ITGA8: variants seen among roughly 807,000 people sequenced by gnomAD.
ITGA8 encodes integrin subunit alpha 8.
In ITGA8, 91 loss-of-function variants were observed where a neutral mutation model predicts 142.3. That is an observed-to-expected ratio of 0.64 (90% CI 0.54 to 0.76). The LOEUF is 0.76. Ranked by LOEUF, ITGA8 falls within the 30% of genes least tolerant of loss-of-function variation. The pLI is 0.00. For synonymous variants in ITGA8, 505 were observed against 485.2 expected (o/e 1.04, Z -0.54); for missense variants, 1,406 against 1,327.7 (o/e 1.06, Z -0.92).
At chr10:15,539,900 G>A (rs1432139998) in intron 27 of ITGA8, among the ~76,000 whole-genome samples, 2 of 152,116 alleles carry the variant, frequency 1.3e-5, no homozygotes, top group African/African-American at 4.8e-5. Flanking sequence ...TTGAATCACA[G>A]GGTGATTTCT....
chr10:15,684,182 C>T, intron 3 of ITGA8, 55 bp from the exon 4 acceptor site: 2 of 1,562,910 alleles, frequency 1.3e-6, no homozygotes, highest in Non-Finnish European at 1.7e-6. Flanking sequence ...TCTCATACTA[C>T]AGTTTTATTT....
intron 26 of ITGA8, among the ~76,000 whole-genome samples, chr10:15,555,047 G>A (rs7904359): frequency 0.31 from 47,794 of 151,988 alleles, 7,706 homozygotes; most frequent in Non-Finnish European, 0.33. Flanking sequence ...TAGCTACCGT[G>A]AATTATTTCA....
intron 23 of ITGA8, among the ~76,000 whole-genome samples, chr10:15,582,999 T>C (rs11259745): frequency 0.48 from 73,386 of 152,076 alleles, 17,756 homozygotes; most frequent in East Asian, 0.57. Flanking sequence ...CTGGAGACAA[T>C]TCAAATGTTC....
chr10:15,606,567 G>T, intron 17 of ITGA8, 145 bp from the exon 18 acceptor site: 1 of 708,682 alleles, frequency 1.4e-6, no homozygotes, highest in African/African-American at 1.8e-5. Flanking sequence ...GATGGAGGCT[G>T]ATTTATGTGG....
intron 23 of ITGA8, among the ~76,000 whole-genome samples, chr10:15,576,595 A>G (rs1020274115): frequency 2.6e-5 from 4 of 152,190 alleles, no homozygotes; most frequent in African/African-American, 9.7e-5. Flanking sequence ...AATAATTAAC[A>G]TGGCCTCTGG....
chr10:15,650,137 G>A (rs916334163), intron 11 of ITGA8, among the ~76,000 whole-genome samples: 1 of 152,092 alleles, frequency 6.6e-6, no homozygotes, highest in African/African-American at 2.4e-5. Context: ...AGACATGGAG[G>A]AACCTCAAAT....
chr10:15,562,541 G>A (rs753792883), intron 25 of ITGA8, among the ~76,000 whole-genome samples: 1 of 152,344 alleles, frequency 6.6e-6, no homozygotes, highest in Non-Finnish European at 1.5e-5. Flanking sequence ...AGTCCTGAGA[G>A]TGGGATGGGG....
At chr10:15,618,243 A>G (rs895186260) in intron 13 of ITGA8, among the ~76,000 whole-genome samples, 5 of 152,190 alleles carry the variant, frequency 3.3e-5, no homozygotes, top group Non-Finnish European at 5.9e-5. Context: ...AAAAAAAGAA[A>G]AAGAAAACTG....
At chr10:15,647,168 AT>A in intron 11 of ITGA8, 117 bp from the exon 12 acceptor site, 2 of 736,544 alleles carry the variant, frequency 2.7e-6, no homozygotes, top group Non-Finnish European at 4.6e-6. Flanking sequence ...TCTGAGGGTT[AT>A]TTTACAATCA....
intron 20 of ITGA8, among the ~76,000 whole-genome samples, chr10:15,603,740 C>A (rs1833144337): frequency 6.6e-6 from 1 of 152,166 alleles, no homozygotes; most frequent in Non-Finnish European, 1.5e-5. Flanking sequence ...GGGAAAGGAC[C>A]TTGTTTCCCT....
chr10:15,694,102 C>A (rs979919131), intron 2 of ITGA8, among the ~76,000 whole-genome samples: 1 of 143,448 alleles, frequency 7.0e-6, no homozygotes, highest in Admixed American at 7.1e-5. Flanking sequence ...TATAATATAC[C>A]TATATATTAT....
chr10:15,535,111 C>A (rs1283923443), intron 27 of ITGA8, among the ~76,000 whole-genome samples: 1 of 152,126 alleles, frequency 6.6e-6, no homozygotes, highest in Admixed American at 6.5e-5. Context: ...CTGGGTCCCC[C>A]AGCAGTGCCG....
chr10:15,598,412 A>G (rs927939964), intron 20 of ITGA8, among the ~76,000 whole-genome samples: 2 of 152,170 alleles, frequency 1.3e-5, no homozygotes, highest in African/African-American at 4.8e-5. Context: ...AATTTCAGAA[A>G]TGATCTTCCA....
intron 13 of ITGA8, 58 bp downstream of exon 13, chr10:15,643,972 A>G: frequency 6.7e-7 from 1 of 1,499,154 alleles, no homozygotes; most frequent in Admixed American, 2.0e-5. Flanking sequence ...CATTTTTCAG[A>G]AAATGGACTC....
At chr10:15,586,974 G>A (rs1337639221) in intron 22 of ITGA8, among the ~76,000 whole-genome samples, 1 of 151,352 alleles carries the variant, frequency 6.6e-6, no homozygotes, top group East Asian at 1.9e-4. Context: ...CGAGGCTGGA[G>A]TACAGTAGCC....
chr10:15,717,650 T>C (rs1384446943), intron 2 of ITGA8, among the ~76,000 whole-genome samples: 1 of 152,208 alleles, frequency 6.6e-6, no homozygotes, highest in African/African-American at 2.4e-5. Context: ...AAAAATATAA[T>C]TTTCCAATGC....
intron 20 of ITGA8, among the ~76,000 whole-genome samples, chr10:15,598,463 C>T (rs946065870): frequency 1.3e-5 from 2 of 151,994 alleles, no homozygotes; most frequent in African/African-American, 4.8e-5. Flanking sequence ...ACCGAAAACC[C>T]AAGCAAAAAA....
intron 23 of ITGA8, among the ~76,000 whole-genome samples, chr10:15,581,507 G>A (rs932288772): frequency 6.6e-6 from 1 of 152,120 alleles, no homozygotes; most frequent in African/African-American, 2.4e-5. Context: ...TACTTCTACT[G>A]AAGTTTTGAC....
At chr10:15,597,367 G>C in intron 20 of ITGA8, 68 bp from the exon 21 acceptor site, 1 of 1,293,496 alleles carries the variant, frequency 7.7e-7, no homozygotes, top group Non-Finnish European at 1.1e-6. Flanking sequence ...AAGCCATGCT[G>C]GGGGCCTGGG....
Sources: gnomAD v4.1 joint callset for allele counts (sites outside exome capture counted in the v4.1 genomes callset) on GRCh38, gnomAD v4.1.1 for gene constraint, MANE v1.5 for transcripts, NCBI Gene and HGNC (gene_info 2026-07-23, HGNC 2026-07-21) for gene names.